Variants in GALNT13 observed in about 807,000 individuals in gnomAD.
GALNT13 encodes UDP-GalNAc:polypeptide N-acetylgalactosaminyltransferase 13.
A neutral mutation model predicts 64.2 loss-of-function variants in GALNT13; 28 were observed. That is an observed-to-expected ratio of 0.44 (90% CI 0.32 to 0.60). The LOEUF is 0.60. Among genes scored for constraint, GALNT13 ranks in the 20% least tolerant of loss-of-function variants. The pLI is 0.05. For synonymous variants in GALNT13, 214 were observed against 224.6 expected (o/e 0.95, Z 0.42); for missense variants, 577 against 669.8 (o/e 0.86, Z 1.53).
intron 11 of GALNT13, among the ~76,000 whole-genome samples, chr2:154,412,044 T>C (rs540473923): frequency 6.6e-6 from 1 of 151,970 alleles, no homozygotes; most frequent in African/African-American, 2.4e-5. Context: ...TTGTTATTTC[T>C]ATTGATGTTG....
At chr2:153,248,294 A>T in the GALNT13 span, among the ~76,000 whole-genome samples, 1 of 152,186 alleles carries the variant, frequency 6.6e-6, no homozygotes, top group Non-Finnish European at 1.5e-5. Context: ...CCTGATGAAA[A>T]TCGATGTGAA....
chr2:153,782,224 TATC>T, the GALNT13 span, among the ~76,000 whole-genome samples: 1 of 152,192 alleles, frequency 6.6e-6, no homozygotes, highest in Admixed American at 6.5e-5. Flanking sequence ...ATTTTGTAAA[TATC>T]ATAGATCTTT....
At chr2:153,555,036 G>GA in the GALNT13 span, among the ~76,000 whole-genome samples, 12 of 151,894 alleles carry the variant, frequency 7.9e-5, no homozygotes, top group Non-Finnish European at 1.6e-4. Flanking sequence ...TTGGATAAAT[G>GA]AAAAAAATTT....
chr2:153,650,382 G>A, the GALNT13 span, among the ~76,000 whole-genome samples: 1 of 149,936 alleles, frequency 6.7e-6, no homozygotes, highest in Non-Finnish European at 1.5e-5. Flanking sequence ...AGGGTTTTCT[G>A]AATACAGCAC....
chr2:153,969,579 T>C (rs1409361519), intron 3 of GALNT13, among the ~76,000 whole-genome samples: 1 of 152,104 alleles, frequency 6.6e-6, no homozygotes. Context: ...CATCCTGCTT[T>C]TATTGTCTGA....
At chr2:154,397,891 G>A (rs567997980) in intron 10 of GALNT13, among the ~76,000 whole-genome samples, 8 of 152,234 alleles carry the variant, frequency 5.3e-5, no homozygotes, top group East Asian at 1.9e-4. Flanking sequence ...ACTTAGTCCC[G>A]TACCTCAAAG....
chr2:153,720,119 C>A, the GALNT13 span, among the ~76,000 whole-genome samples: 44 of 144,950 alleles, frequency 3.0e-4, no homozygotes, highest in African/African-American at 1.1e-3. Flanking sequence ...GATCTGAGAA[C>A]GGGCAGACTG....
At chr2:153,966,378 T>A (rs972510772) in intron 3 of GALNT13, among the ~76,000 whole-genome samples, 4 of 151,808 alleles carry the variant, frequency 2.6e-5, no homozygotes, top group Non-Finnish European at 5.9e-5. Flanking sequence ...GATTCTTTTT[T>A]TTTTTGAGAT....
At chr2:153,095,285 A>G in the GALNT13 span, among the ~76,000 whole-genome samples, 10 of 152,254 alleles carry the variant, frequency 6.6e-5, no homozygotes, top group Admixed American at 2.6e-4. Flanking sequence ...GACACATGAA[A>G]AAATGCTCAT....
At chr2:153,277,908 C>CTTTTCTTTTTTTTTT in the GALNT13 span, among the ~76,000 whole-genome samples, 10 of 69,590 alleles carry the variant, frequency 1.4e-4, no homozygotes, top group Non-Finnish European at 3.0e-4. Flanking sequence ...TTTCTTTTTT[C>CTTTTCTTTTTTTTTT]TTTTGTTTTC....
chr2:154,392,311 G>A (rs1483277036), intron 9 of GALNT13, among the ~76,000 whole-genome samples: 2 of 152,108 alleles, frequency 1.3e-5, no homozygotes, highest in African/African-American at 4.8e-5. Context: ...ATGTAGCAGG[G>A]AAGAAATGTA....
In GALNT13 at chr2:153,994,808, C is replaced by T. The variant is rs910146377; in HGVS notation, c.142+50169C>T. 3.3e-5 allele frequency among the ~76,000 whole-genome samples: 5 copies of T among 151,880 alleles called. No individual in the cohort carries two copies. In the South Asian group the frequency reaches 1.0e-3, roughly 32 times the overall value. ...AATTTGTTTGAGTTCTTCATAGATT[C>T]TGGATACTAGCTTTTTTTCAGATGA... On this transcript the variant is annotated intron_variant, in intron 3 of 12. Coordinates refer to ENST00000392825, the MANE Select transcript of GALNT13 (RefSeq NM_052917.4).
chr2:154,351,459 G>A lies in GALNT13; in HGVS notation c.1157-44532G>A, dbSNP rs552434240. Among the ~76,000 whole-genome samples the A allele has an allele frequency of 5.3e-5, 8 of 151,806 alleles. No individual in the cohort carries two copies. In the South Asian group the frequency reaches 6.2e-4, roughly 12 times the overall value. ...AGCACTTTGGGAGGCCGAGACAGGCGGATCACGAGGTCAGGAGATTGAGAC... is the reference window on the plus strand; with the variant it reads ...AGCACTTTGGGAGGCCGAGACAGGCAGATCACGAGGTCAGGAGATTGAGAC... On this transcript the variant is annotated intron_variant, in intron 9 of 12. Coordinates refer to ENST00000392825, the MANE Select transcript of GALNT13 (RefSeq NM_052917.4).
chr2:153,619,769 C>G, the GALNT13 span, among the ~76,000 whole-genome samples: 4 of 152,000 alleles, frequency 2.6e-5, no homozygotes, highest in African/African-American at 4.8e-5. Flanking sequence ...GTCATACCAC[C>G]CTCTCCTGGC....
chr2:154,405,345 A>C (rs1699480942), intron 10 of GALNT13, among the ~76,000 whole-genome samples: 1 of 152,122 alleles, frequency 6.6e-6, no homozygotes, highest in Non-Finnish European at 1.5e-5. Flanking sequence ...AAATATAAAA[A>C]TTGGAAACTA....
chr2:153,416,885 T>C, the GALNT13 span, among the ~76,000 whole-genome samples: 1 of 152,142 alleles, frequency 6.6e-6, no homozygotes, highest in Non-Finnish European at 1.5e-5. Context: ...CCTGAATCAG[T>C]TGTGGGCTGT....
the GALNT13 span, among the ~76,000 whole-genome samples, chr2:153,205,870 C>G: frequency 1.3e-5 from 2 of 151,938 alleles, no homozygotes; most frequent in African/African-American, 4.8e-5. Context: ...TTTACACATG[C>G]CAGACTAAAT....
chr2:153,924,784 T>G (rs1241375000), intron 2 of GALNT13, among the ~76,000 whole-genome samples: 1 of 152,186 alleles, frequency 6.6e-6, no homozygotes, highest in Non-Finnish European at 1.5e-5. Flanking sequence ...CTCACTGTGT[T>G]TTTGATTTGC....
the GALNT13 span, among the ~76,000 whole-genome samples, chr2:153,803,525 TA>T: frequency 6.6e-6 from 1 of 151,750 alleles, no homozygotes; most frequent in South Asian, 2.1e-4. Context: ...ACCCCGTCTC[TA>T]CTAAAAATAC....
Sources: gnomAD v4.1 joint callset for allele counts (sites outside exome capture counted in the v4.1 genomes callset) on GRCh38, gnomAD v4.1.1 for gene constraint, MANE v1.5 for transcripts, NCBI Gene and HGNC (gene_info 2026-07-23, HGNC 2026-07-21) for gene names.